GDAP2: variants seen among roughly 807,000 people sequenced by gnomAD.
GDAP2 encodes ganglioside induced differentiation associated protein 2.
In GDAP2, 51 loss-of-function variants were observed where a neutral mutation model predicts 67.0. The observed-to-expected ratio is 0.76, with a 90% CI of 0.61 to 0.96. The LOEUF (loss-of-function observed/expected upper bound fraction) is 0.96. Ranked by LOEUF, GDAP2 falls within the 40% of genes least tolerant of loss-of-function variation. The pLI is 0.00. For missense variants in GDAP2, 547 were observed against 588.3 expected (o/e 0.93, Z 0.73); for synonymous variants, 203 against 207.3 (o/e 0.98, Z 0.18).
At chr1:117,923,710 C>T (rs1650339704) in intron 1 of GDAP2, among the ~76,000 whole-genome samples, 2 of 152,194 alleles carry the variant, frequency 1.3e-5, no homozygotes, top group African/African-American at 4.8e-5. Context: ...TGTGCAGGCA[C>T]CCAGAAGTAG....
intron 3 of GDAP2, among the ~76,000 whole-genome samples, chr1:117,914,462 A>G (rs1649976918): frequency 6.6e-6 from 1 of 152,162 alleles, no homozygotes; most frequent in Admixed American, 6.5e-5. Context: ...AGAATTAAAC[A>G]AGAAAATACA....
At chr1:117,882,539 A>C (rs1340664687) in intron 11 of GDAP2, among the ~76,000 whole-genome samples, 1 of 152,108 alleles carries the variant, frequency 6.6e-6, no homozygotes, top group Admixed American at 6.6e-5. Flanking sequence ...TTTTTTCAAC[A>C]GTTCAGTAAT....
At chr1:117,894,783 C>T (rs1649211264) in intron 8 of GDAP2, among the ~76,000 whole-genome samples, 1 of 151,860 alleles carries the variant, frequency 6.6e-6, no homozygotes, top group South Asian at 2.1e-4. Context: ...ATAAAGTGAC[C>T]CTGACATTTC....
At chr1:117,879,279 T>C (rs537488090) in intron 12 of GDAP2, among the ~76,000 whole-genome samples, 10 of 152,306 alleles carry the variant, frequency 6.6e-5, no homozygotes, top group Admixed American at 2.6e-4. Flanking sequence ...CTCTGGTTTC[T>C]GGCTTAGGCA....
At position 117,906,572 on chromosome 1, in the gene GDAP2, T is replaced by C. The variant is rs1649666122; in HGVS notation, c.570A>G (p.Arg190=). 6.5e-7 allele frequency: 1 copy of C among 1,535,042 alleles called. No homozygotes were observed. The highest frequency in any genetic ancestry group is 9.0e-7 in the Non-Finnish European group (1 of 1,112,172). Residue 190 remains arginine, a synonymous_variant, in exon 6 of 14, where the codon AGA becomes AGG. Transcript: ENST00000369443. The part of the protein sequence containing the change: ...DATHIALRTV[R]RFLEIHGETI... ...TTTCCCCATGAATCTCTAGGAATCT[T>C]CTTACAGTGCCTAAGGAAAAGAATA... is the stretch of plus-strand genomic sequence containing the variant.
In GDAP2 at chr1:117,885,858, T is replaced by C. The variant is rs17037728; in HGVS notation, c.1107+719A>G. On this transcript the variant is annotated intron_variant, in intron 10 of 13. Transcript: ENST00000369443. ...TGATGTGCTAGGATTCTCTACATAA[T>C]TATCTTGTGGGTTCAATTGTCCCTT... Among the ~76,000 whole-genome samples, 410 of 152,286 alleles carry C rather than the reference T, an allele frequency of 2.7e-3. 5 individuals are homozygous for C. The East Asian group carries it at 0.033, about 12-fold the overall frequency.
In GDAP2 at chr1:117,873,096, C is replaced by A. The variant is rs890086568; in HGVS notation, c.1447-2480G>T. ...AGAAGAGCAAGTTCAATACTTAATG[C>A]CATGAAATAGAATTTCCATTATTAA... On this transcript the variant is annotated intron_variant, in intron 13 of 13. Coordinates refer to ENST00000369443, the MANE Select transcript of GDAP2 (RefSeq NM_017686.4). 2.6e-5 allele frequency among the ~76,000 whole-genome samples: 4 copies of A among 152,088 alleles called. No individual in the cohort carries two copies. The East Asian group carries it at 7.7e-4, about 29-fold the overall frequency.
At position 117,920,181 on chromosome 1, in the gene GDAP2, C is replaced by T; in HGVS notation, c.176+1G>A. ...ATGATATGATGTAATCAAAAAATTA[C>T]CAAAGAACCACTTTTCCATTGACGT... On this transcript the variant is annotated splice_donor_variant, in intron 2 of 13. Transcript: ENST00000369443. LOFTEE classifies it high-confidence loss of function. 6.4e-7 allele frequency: 1 copy of T among 1,566,988 alleles called. No homozygotes were observed. Among genetic ancestry groups the T allele is most frequent in the Non-Finnish European group, 8.8e-7 (1 of 1,142,802 alleles).
intron 13 of GDAP2, chr1:117,877,561 T>C (rs2101118582): frequency 1.0e-6 from 1 of 975,742 alleles, no homozygotes; most frequent in Non-Finnish European, 1.2e-6. Context: ...TTAAAAACAT[T>C]ATACAACCTT....
At chr1:117,887,663 A>T (rs765969310) in intron 9 of GDAP2, 35 bp downstream of exon 9, 3 of 982,738 alleles carry the variant, frequency 3.1e-6, no homozygotes, top group African/African-American at 1.6e-5. Context: ...GCTCTTAATT[A>T]GTGAAAGAAT....
intron 3 of GDAP2, among the ~76,000 whole-genome samples, chr1:117,917,860 T>C (rs1324180650): frequency 1.3e-5 from 2 of 152,214 alleles, no homozygotes; most frequent in Admixed American, 6.5e-5. Flanking sequence ...CAATATCCTT[T>C]CTAGTTTCTA....
At chr1:117,925,830 C>G (rs889603027) in intron 1 of GDAP2, among the ~76,000 whole-genome samples, 1 of 152,160 alleles carries the variant, frequency 6.6e-6, no homozygotes. Context: ...CATAGGAGAA[C>G]AATTACCTTA....
Position 117,899,183 on chromosome 1 carries a change from G to C in GDAP2, c.670C>G (p.Pro224Ala), listed in dbSNP as rs770356347. Residue 224 changes from proline to alanine, a missense_variant, in exon 7 of 14, where the codon CCA (proline) becomes GCA (alanine). Pro to Ala is a conservative substitution (Grantham distance 27). Transcript: ENST00000369443. ...TYQKLLPLYF[P>A]RSLKEENRSL... The stretch of plus-strand genomic sequence containing the variant: ...CGATTCTCCTCTTTTAATGACCTTG[G>C]GAAGTAGAGAGGTAGCAGCTTTTGG... 1 of 1,611,540 alleles carries C rather than the reference G, an allele frequency of 6.2e-7. No homozygotes were observed. The highest frequency in any genetic ancestry group is 1.3e-5 in the African/African-American group (1 of 74,828).
chr1:117,906,894 A>G (rs1649677489), intron 5 of GDAP2, among the ~76,000 whole-genome samples: 1 of 152,160 alleles, frequency 6.6e-6, no homozygotes, highest in South Asian at 2.1e-4. Flanking sequence ...TTATTGCTCT[A>G]TTTCCAATGC....
intron 4 of GDAP2, 84 bp from the exon 5 acceptor site, chr1:117,912,166 G>A (rs1649878403): frequency 3.7e-6 from 3 of 814,756 alleles, no homozygotes; most frequent in Admixed American, 1.9e-5. Flanking sequence ...TCAAAATCTA[G>A]CTCAACTTCT....
chr1:117,867,114 CT>C lies in GDAP2; in HGVS notation c.*3454del, dbSNP rs1171425496. 1 of 152,004 alleles carries C rather than the reference CT, an allele frequency of 6.6e-6. No homozygotes were observed. The highest frequency in any genetic ancestry group is 1.5e-5 in the Non-Finnish European group (1 of 68,002). The allele number at this position is 152,004 out of a possible 1,614,324, so 9.4% of individuals were successfully genotyped here. A position where few individuals can be genotyped will look rare whatever the true frequency, so the allele number is the denominator to read the frequency against. On this transcript the variant is annotated 3_prime_UTR_variant, in exon 14 of 14. Transcript: ENST00000369443. ...TACAAAGAGTGATCTTTAGTTTATG[CT>C]GAATACTTAATTTTATCACTTCTCC...
chr1:117,901,481 TTAAC>T (rs1649466694), intron 6 of GDAP2, among the ~76,000 whole-genome samples: 1 of 152,200 alleles, frequency 6.6e-6, no homozygotes, highest in African/African-American at 2.4e-5. Context: ...TACATTCCAA[TTAAC>T]TATCTACGAG....
chr1:117,877,554 A>G, intron 13 of GDAP2: 1 of 976,232 alleles, frequency 1.0e-6, no homozygotes, highest in Non-Finnish European at 1.2e-6. Flanking sequence ...GATGCTCTTA[A>G]AAACATTATA....
chr1:117,871,699 A>C (rs932054611), intron 13 of GDAP2, among the ~76,000 whole-genome samples: 2 of 152,192 alleles, frequency 1.3e-5, no homozygotes, highest in African/African-American at 2.4e-5. Flanking sequence ...GGAAAACAAG[A>C]CATCTAGGAA....
Sources: allele counts gnomAD v4.1 joint callset (sites outside exome capture counted in the v4.1 genomes callset), GRCh38; gene constraint gnomAD v4.1.1; transcripts MANE v1.5; gene names NCBI Gene and HGNC (gene_info 2026-07-23, HGNC 2026-07-21).